Variants in RNF38 observed in about 807,000 individuals in gnomAD.
RNF38 encodes the protein ring finger protein 38.
In RNF38, 15 loss-of-function variants were observed where a neutral mutation model predicts 67.2. The ratio of observed to expected loss-of-function variants is 0.22; its 90% CI spans 0.15 to 0.34. The LOEUF is 0.34. Ranked by LOEUF, RNF38 falls within the 10% of genes least tolerant of loss-of-function variation. The pLI is 1.00. For synonymous variants in RNF38, 220 were observed against 218.8 expected (o/e 1.01, Z -0.05); for missense variants, 524 against 639.9 (o/e 0.82, Z 1.95).
intron 1 of RNF38, among the ~76,000 whole-genome samples, chr9:36,454,929 C>A (rs1487979629): frequency 6.6e-6 from 1 of 152,138 alleles, no homozygotes; most frequent in Admixed American, 6.6e-5. Context: ...TATATTTATG[C>A]TAGTTAACAA....
At chr9:36,395,591 C>A (rs1837455782) in intron 1 of RNF38, among the ~76,000 whole-genome samples, 1 of 152,198 alleles carries the variant, frequency 6.6e-6, no homozygotes. Flanking sequence ...AAATCCAAAA[C>A]TCCAAATATT....
chr9:36,433,660 T>C (rs901680573), intron 1 of RNF38, among the ~76,000 whole-genome samples: 3 of 147,862 alleles, frequency 2.0e-5, no homozygotes, highest in Non-Finnish European at 4.5e-5. Flanking sequence ...ACACTCCAGC[T>C]TGGGAAACAG....
intron 1 of RNF38, among the ~76,000 whole-genome samples, chr9:36,470,049 CG>C (rs1481665618): frequency 3.9e-5 from 6 of 152,130 alleles, no homozygotes; most frequent in Non-Finnish European, 7.3e-5. Flanking sequence ...TGATTCTCCT[CG>C]GTTGTTTCTA....
chr9:36,430,291 C>A (rs868825843), intron 1 of RNF38, among the ~76,000 whole-genome samples: 2 of 152,158 alleles, frequency 1.3e-5, no homozygotes, highest in African/African-American at 2.4e-5. Flanking sequence ...ACTACAACCT[C>A]CTCCTCCCGG....
chr9:36,485,206 T>C (rs1370567140), intron 1 of RNF38, among the ~76,000 whole-genome samples: 1 of 152,118 alleles, frequency 6.6e-6, no homozygotes, highest in Non-Finnish European at 1.5e-5. Context: ...AATAAAAATA[T>C]ATGTAGTCTT....
intron 1 of RNF38, among the ~76,000 whole-genome samples, chr9:36,440,015 G>A (rs1839158963): frequency 6.6e-6 from 1 of 152,146 alleles, no homozygotes; most frequent in Non-Finnish European, 1.5e-5. Flanking sequence ...GGAAGCTAAG[G>A]TGGGCAGATC....
At chr9:36,421,402 G>A (rs139353465) in intron 2 of RNF38, among the ~76,000 whole-genome samples, 17 of 151,614 alleles carry the variant, frequency 1.1e-4, no homozygotes, top group East Asian at 9.8e-4. Context: ...GGTGGCTCAC[G>A]CCTGTAATAC....
At chr9:36,406,431 T>C (rs1185605710) in intron 2 of RNF38, among the ~76,000 whole-genome samples, 2 of 152,344 alleles carry the variant, frequency 1.3e-5, no homozygotes, top group East Asian at 3.9e-4. Flanking sequence ...CAAGTATCCC[T>C]ACTATAATCT....
chr9:36,472,072 G>T (rs1003097808), intron 1 of RNF38, among the ~76,000 whole-genome samples: 1 of 152,124 alleles, frequency 6.6e-6, no homozygotes, highest in African/African-American at 2.4e-5. Flanking sequence ...TATATATGCA[G>T]TTTTAATAAA....
At chr9:36,374,944 A>C (rs1835675878) in intron 3 of RNF38, among the ~76,000 whole-genome samples, 1 of 152,180 alleles carries the variant, frequency 6.6e-6, no homozygotes, top group African/African-American at 2.4e-5. Flanking sequence ...AGGGGTTACA[A>C]ACATTTGGTC....
Position 36,357,482 on chromosome 9 carries a change from T to G in RNF38, c.738+293A>C, listed in dbSNP as rs546031128. 5.3e-5 allele frequency among the ~76,000 whole-genome samples: 8 copies of G among 152,364 alleles called. No individual in the cohort carries two copies. In the East Asian group the frequency reaches 1.3e-3, roughly 26 times the overall value. ...GTGTTGACATATGAGAAAACATGGTTTGACCCTCAGGATATCCAAATATAT... is the reference window on the plus strand; with the variant it reads ...GTGTTGACATATGAGAAAACATGGTGTGACCCTCAGGATATCCAAATATAT... On this transcript the variant is annotated intron_variant, in intron 5 of 11. Coordinates refer to ENST00000259605, the MANE Select transcript of RNF38 (RefSeq NM_022781.5).
intron 2 of RNF38, among the ~76,000 whole-genome samples, chr9:36,410,736 A>C (rs1215186199): frequency 6.6e-6 from 1 of 152,228 alleles, no homozygotes; most frequent in Non-Finnish European, 1.5e-5. Context: ...CTCTAAAATA[A>C]ATCAATCACG....
At chr9:36,427,482 T>C (rs1442832019) in intron 1 of RNF38, among the ~76,000 whole-genome samples, 1 of 152,082 alleles carries the variant, frequency 6.6e-6, no homozygotes, top group Non-Finnish European at 1.5e-5. Context: ...TGGAAGGTGA[T>C]TGGGTTATGA....
intron 1 of RNF38, among the ~76,000 whole-genome samples, chr9:36,456,926 A>T (rs1839608589): frequency 6.6e-6 from 1 of 152,116 alleles, no homozygotes; most frequent in Non-Finnish European, 1.5e-5. Flanking sequence ...CAAAAAGCCC[A>T]GAAGATTAAG....
At chr9:36,472,842 A>AT (rs1840027472) in intron 1 of RNF38, among the ~76,000 whole-genome samples, 2 of 152,236 alleles carry the variant, frequency 1.3e-5, no homozygotes, top group South Asian at 4.2e-4. Context: ...ACGGTGGCTC[A>AT]TATCTGTAAT....
chr9:36,457,597 T>C (rs1459980612), intron 1 of RNF38, among the ~76,000 whole-genome samples: 1 of 152,196 alleles, frequency 6.6e-6, no homozygotes, highest in Non-Finnish European at 1.5e-5. Context: ...GTTCTCAAAC[T>C]GAGATCCACA....
intron 2 of RNF38, among the ~76,000 whole-genome samples, chr9:36,412,137 A>G (rs887899135): frequency 6.6e-6 from 1 of 152,164 alleles, no homozygotes; most frequent in Non-Finnish European, 1.5e-5. Flanking sequence ...AATCTAGACT[A>G]CTTTCCCTGG....
At chr9:36,432,955 T>C (rs1250979186) in intron 1 of RNF38, among the ~76,000 whole-genome samples, 5 of 152,208 alleles carry the variant, frequency 3.3e-5, no homozygotes, top group Admixed American at 6.5e-5. Flanking sequence ...TATTTTACAA[T>C]TTAGTACCTA....
At chr9:36,431,597 G>T (rs1249426192) in intron 1 of RNF38, among the ~76,000 whole-genome samples, 1 of 152,136 alleles carries the variant, frequency 6.6e-6, no homozygotes, top group East Asian at 1.9e-4. Flanking sequence ...AAAGGGGAAT[G>T]GGCAGAGCTT....
Sources: gnomAD v4.1 joint callset for allele counts (sites outside exome capture counted in the v4.1 genomes callset) on GRCh38, gnomAD v4.1.1 for gene constraint, MANE v1.5 for transcripts, NCBI Gene and HGNC (gene_info 2026-07-23, HGNC 2026-07-21) for gene names.